The following FRMD1 variants were observed in gnomAD, a reference collection of about 807,000 sequenced individuals.
The protein encoded by FRMD1 is FERM domain-containing protein 1.
FRMD1 carries 51 observed loss-of-function variants against 54.9 expected under a neutral mutation model. That is an observed-to-expected ratio of 0.93 (90% CI 0.74 to 1.17). The LOEUF (loss-of-function observed/expected upper bound fraction) is 1.17. Ranked by LOEUF, FRMD1 falls within the 50% of genes most tolerant of loss-of-function variation. The probability of loss-of-function intolerance (pLI) is 0.00; values close to 1 mark genes in which losing one functional copy is unlikely to be tolerated. For missense variants in FRMD1, 729 were observed against 743.0 expected, an observed-to-expected ratio of 0.98 and a Z score of 0.22; for synonymous variants, 324 against 306.4, an observed-to-expected ratio of 1.06 and a Z score of -0.60.
Position 168,059,047 on chromosome 6 carries a change from G to T in FRMD1, c.1407+77C>A. On this transcript the variant is annotated intron_variant, in intron 10 of 10. Coordinates refer to ENST00000283309, the MANE Select transcript of FRMD1 (RefSeq NM_024919.6). The surrounding 1 kb of genome is among the most constrained non-coding windows in gnomAD (Gnocchi z 4.4). Reference sequence around the variant, plus strand: ...TCTGATAGGCCTAGGAAGGTCCCCAGGGCCCCTGACAGGGGACCTAGGAGA... The same window carrying T: ...TCTGATAGGCCTAGGAAGGTCCCCATGGCCCCTGACAGGGGACCTAGGAGA... The T allele has an allele frequency of 8.3e-7, 1 of 1,206,658 alleles. No individual in the cohort carries two copies. Among genetic ancestry groups the T allele is most frequent in the Non-Finnish European group, 1.2e-6 (1 of 849,376 alleles). The allele number at this position is 1,206,658 out of a possible 1,614,324, so 74.7% of individuals were successfully genotyped here. A position where few individuals can be genotyped will look rare whatever the true frequency, so the allele number is the denominator to read the frequency against.
At chr6:168,080,736 C>T (rs377274083), upstream of FRMD1, among the ~76,000 whole-genome samples, 64 of 152,064 alleles carry the variant, frequency 4.2e-4, no homozygotes, top group East Asian at 0.011. Flanking sequence ...TGGGGAGAGC[C>T]GGGGACACGG....
At chr6:168,074,800 T>C (rs1357042205) in intron 2 of FRMD1, among the ~76,000 whole-genome samples, 2 of 150,820 alleles carry the variant, frequency 1.3e-5, no homozygotes, top group Non-Finnish European at 2.9e-5. Flanking sequence ...TGTGTGCATG[T>C]GTGTGGTGTA....
chr6:168,067,809 T>C (rs1800120874), intron 2 of FRMD1, among the ~76,000 whole-genome samples: 1 of 152,176 alleles, frequency 6.6e-6, no homozygotes, highest in Admixed American at 6.5e-5. Context: ...ATGAGTCGTT[T>C]AAAAAATAGA....
At chr6:168,073,591 C>T (rs1465128937) in intron 2 of FRMD1, among the ~76,000 whole-genome samples, 6 of 152,172 alleles carry the variant, frequency 3.9e-5, no homozygotes, top group African/African-American at 9.7e-5. Context: ...GGGGCACTCT[C>T]GCCTCTACTT....
chr6:168,064,694 G>T (rs573812397), intron 5 of FRMD1, among the ~76,000 whole-genome samples, 177 bp downstream of exon 5: 49 of 152,352 alleles, frequency 3.2e-4, no homozygotes, highest in African/African-American at 1.2e-3. Context: ...TTTGGGGGTG[G>T]TAAGGACCCT....
upstream of FRMD1, chr6:168,081,895 A>G (rs1230411308): frequency 1.0e-5 from 2 of 200,674 alleles, no homozygotes; most frequent in Non-Finnish European, 2.0e-5. Context: ...CTTTAGAGGA[A>G]TATATTTTAC....
At chr6:168,080,243 C>T (rs1288747028), upstream of FRMD1, among the ~76,000 whole-genome samples, 1 of 152,152 alleles carries the variant, frequency 6.6e-6, no homozygotes, top group Non-Finnish European at 1.5e-5. Flanking sequence ...TAGGCCTCAC[C>T]TCCCCCGGAC....
At chr6:168,062,080 C>T (rs1463747027) in intron 7 of FRMD1, 99 bp from the exon 8 acceptor site, 4 of 1,342,490 alleles carry the variant, frequency 3.0e-6, no homozygotes, top group East Asian at 2.5e-5. Flanking sequence ...CCCAGGGGGA[C>T]GAGGCCCAGG....
chr6:168,070,823 A>T (rs1800271040), intron 2 of FRMD1, among the ~76,000 whole-genome samples: 1 of 152,184 alleles, frequency 6.6e-6, no homozygotes, highest in South Asian at 2.1e-4. Flanking sequence ...CTGGCACATG[A>T]CTGTCTGCTG....
chr6:168,072,320 AG>A (rs1800348994), intron 2 of FRMD1, among the ~76,000 whole-genome samples: 1 of 152,190 alleles, frequency 6.6e-6, no homozygotes, highest in African/African-American at 2.4e-5. Flanking sequence ...TGCTGTCTCT[AG>A]GTTTCGGGGA....
At chr6:168,076,491 C>T (rs1448290570) in intron 1 of FRMD1, among the ~76,000 whole-genome samples, 3 of 152,154 alleles carry the variant, frequency 2.0e-5, no homozygotes, top group Admixed American at 6.5e-5. Flanking sequence ...GGTGGTTCCC[C>T]CATCCAGTTC....
chr6:168,092,362 A>G (rs1801028824), intron 1 of FRMD1, among the ~76,000 whole-genome samples: 1 of 151,942 alleles, frequency 6.6e-6, no homozygotes, highest in African/African-American at 2.4e-5. Context: ...CCCCAAATTC[A>G]CCACGTGGAA....
At position 168,059,323 on chromosome 6, in the gene FRMD1, C is replaced by G. The variant is rs1799595778; in HGVS notation, c.1343-135G>C. On this transcript the variant is annotated intron_variant, in intron 9 of 10. Coordinates refer to ENST00000283309, the MANE Select transcript of FRMD1 (RefSeq NM_024919.6). This position sits in a 1 kb window ranked among gnomAD's most constrained non-coding sequence, Gnocchi z 4.4. ...CTGAGGCTCACACCGCCCCCTTGCT[C>G]TCAGTGCGGTGACTGCTTTTGCTCC... 3 of 693,256 alleles carry G rather than the reference C, an allele frequency of 4.3e-6. No homozygotes were observed. Among genetic ancestry groups the G allele is most frequent in the South Asian group, 1.8e-5 (1 of 54,572 alleles). The allele number at this position is 693,256 out of a possible 1,614,324, so 42.9% of individuals were successfully genotyped here.
upstream of FRMD1, chr6:168,079,243 T>C (rs1800759590): frequency 1.4e-6 from 2 of 1,393,636 alleles, no homozygotes; most frequent in Admixed American, 5.7e-5. Flanking sequence ...GAATCCAGCA[T>C]GGCCAAGCCA....
upstream of FRMD1, among the ~76,000 whole-genome samples, chr6:168,080,133 G>A (rs1019801863): frequency 2.0e-5 from 3 of 152,104 alleles, no homozygotes; most frequent in Non-Finnish European, 4.4e-5. Context: ...TAGGAAATTC[G>A]CACTCCAGCC....
chr6:168,064,724 G>A (rs1799936797), intron 5 of FRMD1, 147 bp downstream of exon 5: 2 of 1,394,070 alleles, frequency 1.4e-6, no homozygotes, highest in East Asian at 5.1e-5. Flanking sequence ...AGGACAGAAG[G>A]ACAGGTGATT....
chr6:168,063,780 G>A lies in FRMD1; in HGVS notation c.649-24C>T, dbSNP rs1336085974. 2.5e-6 allele frequency: 4 copies of A among 1,588,182 alleles called. No homozygotes were observed. In the South Asian group the frequency reaches 3.4e-5, roughly 14 times the overall value. ...ATCTGAGGACAGAGCCGGGAGGTCA[G>A]CTCAGACCCCTGCTGGTCCCCCCTT... is the stretch of plus-strand genomic sequence containing the variant. On this transcript the variant is annotated intron_variant, in intron 5 of 10. Transcript: ENST00000283309.
upstream of FRMD1, among the ~76,000 whole-genome samples, chr6:168,080,289 C>T (rs888720352): frequency 4.6e-5 from 7 of 152,260 alleles, no homozygotes; most frequent in South Asian, 2.1e-4. Context: ...TCCCTCCCTC[C>T]GCTCAGATCC....
chr6:168,084,713 C>T (rs1383306265), upstream of FRMD1, among the ~76,000 whole-genome samples: 2 of 152,336 alleles, frequency 1.3e-5, no homozygotes, highest in East Asian at 1.9e-4. Flanking sequence ...GACAAGTGTG[C>T]GGAATTTTGT....
Sources: gnomAD v4.1 joint callset for allele counts (sites outside exome capture counted in the v4.1 genomes callset) on GRCh38, gnomAD v4.1.1 for gene constraint, Gnocchi (gnomAD v3.1) non-coding constraint, MANE v1.5 for transcripts, NCBI Gene and HGNC (gene_info 2026-07-23, HGNC 2026-07-21) for gene names.